The following DMRT1 variants were observed in gnomAD, a reference collection of about 807,000 sequenced individuals.
DMRT1 encodes the protein doublesex- and mab-3-related transcription factor 1.
Under a neutral mutation model 32.3 loss-of-function variants are expected in DMRT1, and 7 were observed. The ratio of observed to expected loss-of-function variants is 0.22; its 90% CI spans 0.12 to 0.41. DMRT1 has a LOEUF of 0.41. Ranked by LOEUF, DMRT1 falls within the 10% of genes least tolerant of loss-of-function variation. The pLI is 1.00. For synonymous variants in DMRT1, 278 were observed against 206.1 expected (o/e 1.35, Z -2.99); for missense variants, 625 against 500.5 (o/e 1.25, Z -2.37).
chr9:887,576 G>A (rs1816980065), intron 2 of DMRT1, among the ~76,000 whole-genome samples: 1 of 152,128 alleles, frequency 6.6e-6, no homozygotes, highest in African/African-American at 2.4e-5. Context: ...AGGCTCATCT[G>A]GTCACTGTGG....
At chr9:863,119 A>G (rs1233378213) in intron 2 of DMRT1, among the ~76,000 whole-genome samples, 2 of 132,772 alleles carry the variant, frequency 1.5e-5, no homozygotes, top group African/African-American at 5.7e-5. Flanking sequence ...GTTTGGGACC[A>G]GCCTGGGCAA....
chr9:851,768 C>T (rs1839160174), intron 2 of DMRT1, among the ~76,000 whole-genome samples: 1 of 152,110 alleles, frequency 6.6e-6, no homozygotes, highest in Non-Finnish European at 1.5e-5. Context: ...CAAAGATTGG[C>T]TAAGACTGAC....
chr9:881,954 C>G (rs539320524), intron 2 of DMRT1, among the ~76,000 whole-genome samples: 2 of 152,252 alleles, frequency 1.3e-5, no homozygotes, highest in African/African-American at 4.8e-5. Context: ...AGAGAGAAAT[C>G]TCTGTCTTGG....
At position 845,189 on chromosome 9, in the gene DMRT1, C is replaced by G. The variant is rs537289428; in HGVS notation, c.355-1771C>G. On this transcript the variant is annotated intron_variant, in intron 1 of 4. Coordinates refer to ENST00000382276, the MANE Select transcript of DMRT1 (RefSeq NM_021951.3). Reference sequence around the variant, plus strand: ...AAAATACAATTAATTTTCTTTAAACCTGTTTTTTCAATCTTATTATTTATT... The same window carrying G: ...AAAATACAATTAATTTTCTTTAAACGTGTTTTTTCAATCTTATTATTTATT... Among the ~76,000 whole-genome samples the G allele has an allele frequency of 9.2e-5, 14 of 152,046 alleles. No homozygotes were observed. In the East Asian group the frequency reaches 2.7e-3, roughly 29 times the overall value.
chr9:863,977 T>C (rs938916304), intron 2 of DMRT1, among the ~76,000 whole-genome samples: 32 of 152,122 alleles, frequency 2.1e-4, no homozygotes, highest in African/African-American at 7.7e-4. Context: ...CTATTTGGTA[T>C]TTTAAACCAG....
intron 4 of DMRT1, among the ~76,000 whole-genome samples, chr9:963,338 A>C (rs898169495): frequency 6.6e-6 from 1 of 152,232 alleles, no homozygotes; most frequent in Non-Finnish European, 1.5e-5. Flanking sequence ...GGAAAACACA[A>C]TCCTATGCTC....
chr9:860,548 C>T (rs1815614014), intron 2 of DMRT1, among the ~76,000 whole-genome samples: 1 of 152,122 alleles, frequency 6.6e-6, no homozygotes, highest in South Asian at 2.1e-4. Flanking sequence ...ATTCTAGGTG[C>T]AGGATATATA....
At chr9:909,958 T>C (rs1444068835) in intron 3 of DMRT1, among the ~76,000 whole-genome samples, 1 of 152,108 alleles carries the variant, frequency 6.6e-6, no homozygotes, top group Non-Finnish European at 1.5e-5. Flanking sequence ...AAATAATCCT[T>C]CCTCCTCAGC....
intron 3 of DMRT1, among the ~76,000 whole-genome samples, chr9:913,454 G>A (rs957769752): frequency 3.3e-5 from 5 of 152,054 alleles, no homozygotes; most frequent in Non-Finnish European, 7.4e-5. Flanking sequence ...GTTGTAGATG[G>A]CAACAGACCC....
chr9:888,456 A>C (rs544489864), intron 2 of DMRT1, among the ~76,000 whole-genome samples: 27 of 152,060 alleles, frequency 1.8e-4, no homozygotes, highest in African/African-American at 6.5e-4. Flanking sequence ...ACAGGCATGC[A>C]CCACCATGCC....
intron 2 of DMRT1, among the ~76,000 whole-genome samples, chr9:875,757 T>C (rs1002665529): frequency 1.3e-5 from 2 of 149,848 alleles, no homozygotes; most frequent in East Asian, 2.0e-4. Context: ...TTGAGACACG[T>C]GCATGTGTGT....
intron 2 of DMRT1, among the ~76,000 whole-genome samples, chr9:893,152 T>G (rs1286161621): frequency 6.6e-6 from 1 of 152,222 alleles, no homozygotes; most frequent in Non-Finnish European, 1.5e-5. Context: ...GGCAGACGTT[T>G]CAGGCACCCG....
intron 4 of DMRT1, among the ~76,000 whole-genome samples, chr9:935,946 C>T (rs1818871861): frequency 6.6e-6 from 1 of 152,134 alleles, no homozygotes; most frequent in African/African-American, 2.4e-5. Context: ...GCCACCTATC[C>T]CCACCCTCCC....
intron 2 of DMRT1, among the ~76,000 whole-genome samples, chr9:852,224 A>G (rs1248153069): frequency 1.3e-5 from 2 of 151,852 alleles, no homozygotes; most frequent in Non-Finnish European, 1.5e-5. Context: ...GGTGTGAGCT[A>G]CCGTGCCTGG....
chr9:965,544 T>G lies in DMRT1; in HGVS notation c.968-2441T>G, dbSNP rs1382431213. The stretch of plus-strand genomic sequence containing the variant: ...TGTCAAATTCCTTTCTTTTGCAAAA[T>G]TCCCACTCCTCCCCTTTTCAGTCCC... On this transcript the variant is annotated intron_variant, in intron 4 of 4. Transcript: ENST00000382276. The surrounding 1 kb of genome is among the most constrained non-coding windows in gnomAD (Gnocchi z 4.5). Among the ~76,000 whole-genome samples, 1 of 152,204 alleles carries G rather than the reference T, an allele frequency of 6.6e-6. No individual in the cohort carries two copies. Among genetic ancestry groups the G allele is most frequent in the Non-Finnish European group, 1.5e-5 (1 of 68,042 alleles).
At chr9:862,188 C>T (rs1477718154) in intron 2 of DMRT1, among the ~76,000 whole-genome samples, 1 of 151,318 alleles carries the variant, frequency 6.6e-6, no homozygotes, top group Non-Finnish European at 1.5e-5. Context: ...CGAGATCACG[C>T]CACTGCACTC....
At chr9:871,174 C>T (rs1439923411) in intron 2 of DMRT1, among the ~76,000 whole-genome samples, 1 of 152,032 alleles carries the variant, frequency 6.6e-6, no homozygotes, top group Non-Finnish European at 1.5e-5. Flanking sequence ...GCTGGGACTA[C>T]AGGCGTGTGC....
chr9:859,276 C>T (rs958352784), intron 2 of DMRT1, among the ~76,000 whole-genome samples: 7 of 152,144 alleles, frequency 4.6e-5, no homozygotes, highest in African/African-American at 1.4e-4. Context: ...GCTCCAAAGT[C>T]TGTAAAATAA....
At chr9:929,271 A>G (rs1237525043) in intron 4 of DMRT1, among the ~76,000 whole-genome samples, 2 of 151,952 alleles carry the variant, frequency 1.3e-5, no homozygotes, top group African/African-American at 2.4e-5. Flanking sequence ...TTCTCTAAGC[A>G]TGTTCAGTAA....
Sources: gnomAD v4.1 joint callset for allele counts (sites outside exome capture counted in the v4.1 genomes callset) on GRCh38, gnomAD v4.1.1 for gene constraint, Gnocchi (gnomAD v3.1) non-coding constraint, MANE v1.5 for transcripts, NCBI Gene and HGNC (gene_info 2026-07-23, HGNC 2026-07-21) for gene names.